The following POLD1 variants were observed in gnomAD, a reference collection of about 807,000 sequenced individuals.
The protein encoded by POLD1 is DNA polymerase delta 1, catalytic subunit, also known as DNA polymerase delta catalytic subunit.
POLD1 carries 79 observed loss-of-function variants against 129.7 expected under a neutral mutation model. That is an observed-to-expected ratio of 0.61 (90% confidence interval 0.51 to 0.73). The LOEUF is 0.73. POLD1 is among the 30% of genes least tolerant of loss of function. The pLI is 0.00. For missense variants in POLD1, 1,338 were observed against 1,595.8 expected (o/e 0.84, Z 2.75); for synonymous variants, 714 against 683.3 (o/e 1.04, Z -0.70).
chr19:50,402,426 CT>C, intron 6 of POLD1, 27 bp from the exon 7 acceptor site: 1 of 1,613,008 alleles, frequency 6.2e-7, no homozygotes, highest in Non-Finnish European at 8.5e-7. Flanking sequence ...CGGGCAGCCC[CT>C]GTCCACTGAC....
At chr19:50,400,575 C>T (rs181362720) in intron 3 of POLD1, among the ~76,000 whole-genome samples, 3 of 143,014 alleles carry the variant, frequency 2.1e-5, no homozygotes, top group African/African-American at 8.0e-5. Context: ...CTCTGTCACC[C>T]AGGCTGGAGA....
chr19:50,393,962 A>G (rs900288207), intron 1 of POLD1: 6 of 152,208 alleles, frequency 3.9e-5, no homozygotes, highest in African/African-American at 1.4e-4. Context: ...GAATTTTTCC[A>G]TGCTTATTTC....
chr19:50,392,473 GTTTCT>G (rs1408196421), intron 1 of POLD1, among the ~76,000 whole-genome samples: 1 of 151,970 alleles, frequency 6.6e-6, no homozygotes, highest in Non-Finnish European at 1.5e-5. Flanking sequence ...GGATTCGTTT[GTTTCT>G]TTTTCTTGTT....
chr19:50,402,930 A>G, intron 8 of POLD1, 123 bp from the exon 9 acceptor site: 1 of 1,368,886 alleles, frequency 7.3e-7, no homozygotes, highest in Non-Finnish European at 1.0e-6. Flanking sequence ...AGCAGGAGCC[A>G]GGGTGAGCCA....
intron 24 of POLD1, 24 bp downstream of exon 24, chr19:50,416,747 C>T (rs2122499276): frequency 6.8e-7 from 1 of 1,466,698 alleles, no homozygotes; most frequent in Non-Finnish European, 9.2e-7. Context: ...GCCACTGGGC[C>T]CCCACTGGCC....
rs1181000676 is a variant in POLD1 at position 50,417,682 on chromosome 19, ACC to A, written c.3219-153_3219-152del. 5.8e-3 allele frequency among the ~76,000 whole-genome samples: 448 copies of A among 77,436 alleles called. 11 individuals carry two copies. The highest frequency in any genetic ancestry group is 8.0e-3 in the East Asian group (20 of 2,490). 50.8% of individuals were successfully genotyped at this position (77,436 alleles called of 152,430 possible). A position where few individuals can be genotyped will look rare whatever the true frequency, so the allele number is the denominator to read the frequency against. The stretch of plus-strand genomic sequence containing the variant: ...CCGCTGTTATCGGCTCCCCCCCCCC[ACC>A]CCCCCCGTGCCTGCTGAGCAAACAG... On this transcript the variant is annotated intron_variant, in intron 26 of 26. Coordinates refer to ENST00000440232, the MANE Select transcript of POLD1 (RefSeq NM_002691.4).
In POLD1 at chr19:50,406,903, C is replaced by A; in HGVS notation, c.1495-80C>A. The stretch of plus-strand genomic sequence containing the variant: ...CCCAGGCCCTCCCCAGGCTACCTCA[C>A]CCTGACCCCCACTTCCTTCTCCTGC... On this transcript the variant is annotated intron_variant, in intron 12 of 26. Coordinates refer to ENST00000440232, the MANE Select transcript of POLD1 (RefSeq NM_002691.4). This position sits in a 1 kb window ranked among gnomAD's most constrained non-coding sequence, Gnocchi z 5.5. 1 of 1,233,828 alleles carries A rather than the reference C, an allele frequency of 8.1e-7. No homozygotes were observed. The highest frequency in any genetic ancestry group is 2.1e-5 in the Admixed American group (1 of 48,034). 76.4% of individuals were successfully genotyped at this position (1,233,828 alleles called of 1,614,324 possible). A position where few individuals can be genotyped will look rare whatever the true frequency, so the allele number is the denominator to read the frequency against.
At chr19:50,389,894 T>G (rs965842639) in intron 1 of POLD1, among the ~76,000 whole-genome samples, 54 of 150,590 alleles carry the variant, frequency 3.6e-4, no homozygotes, top group Non-Finnish European at 6.2e-4. Flanking sequence ...CCTGTTTTTT[T>G]TTTTGTTTTT....
intron 9 of POLD1, 91 bp downstream of exon 9, chr19:50,403,310 A>G: frequency 7.4e-7 from 1 of 1,352,046 alleles, no homozygotes; most frequent in Non-Finnish European, 1.0e-6. Flanking sequence ...TGCGACGCCC[A>G]TGTCTGTGGG....
chr19:50,401,383 ATATATATATTTTTTTTT>A (rs1428723247), intron 3 of POLD1, among the ~76,000 whole-genome samples: 1 of 58,160 alleles, frequency 1.7e-5, no homozygotes, highest in Non-Finnish European at 3.5e-5. Flanking sequence ...ATATATATAT[ATATATATATTTTTTTTT>A]TTTTTTTTTT....
intron 17 of POLD1, among the ~76,000 whole-genome samples, chr19:50,412,764 TTG>T (rs71707090): frequency 0.033 from 4,955 of 150,370 alleles, 269 homozygotes; most frequent in African/African-American, 0.11. Context: ...TTTTTTAGTT[TTG>T]TGTGTGTGTG....
At chr19:50,412,069 C>T (rs928236233) in intron 17 of POLD1, among the ~76,000 whole-genome samples, 8 of 152,198 alleles carry the variant, frequency 5.3e-5, no homozygotes, top group Non-Finnish European at 8.8e-5. Context: ...ATGGCTTGAA[C>T]CCAGCAGTTT....
At chr19:50,392,853 G>A (rs922766751) in intron 1 of POLD1, among the ~76,000 whole-genome samples, 5 of 152,250 alleles carry the variant, frequency 3.3e-5, no homozygotes, top group Non-Finnish European at 5.9e-5. Flanking sequence ...ATAAAATTGT[G>A]AGTGCACCAC....
At chr19:50,387,788 G>A (rs1185069472) in intron 1 of POLD1, 4 of 152,372 alleles carry the variant, frequency 2.6e-5, no homozygotes, top group East Asian at 3.9e-4. Context: ...AGCCGCTAAC[G>A]ACGCTTGCTT....
intron 10 of POLD1, among the ~76,000 whole-genome samples, chr19:50,405,500 G>A (rs1046384524): frequency 2.0e-5 from 3 of 152,174 alleles, no homozygotes; most frequent in South Asian, 2.1e-4. Context: ...AGGATGAGGC[G>A]AGAGGATCGA....
chr19:50,402,366 G>T lies in POLD1; in HGVS notation c.751G>T (p.Glu251Ter). ...FAPYEANVDFEIRFMVDTDIV... is the reference protein window; with the variant it reads ...FAPYEANVDF ...GCCCTACGAGGCCAACGTCGACTTT[G>T]AGATCCGGTACGGCCTCTGCCTCAC... Residue 251 changes from glutamate to a stop codon, truncating the protein, a stop_gained, in exon 6 of 27, where the codon GAG becomes TAG. Coordinates refer to ENST00000440232, the MANE Select transcript of POLD1 (RefSeq NM_002691.4). LOFTEE classifies it high-confidence loss of function. The T allele has an allele frequency of 6.2e-7, 1 of 1,611,348 alleles. No homozygotes were observed. The highest frequency in any genetic ancestry group is 8.5e-7 in the Non-Finnish European group (1 of 1,177,858).
Position 50,408,881 on chromosome 19 carries a change from C to T in POLD1, c.1872C>T (p.Pro624=), listed in dbSNP as rs200649908. The change falls in exon 15 of 27, where the codon CCC becomes CCT. Residue 624 remains proline, a synonymous_variant. Coordinates refer to ENST00000440232, the MANE Select transcript of POLD1 (RefSeq NM_002691.4). ...HNLCYTTLLR[P]GTAQKLGLTE... The stretch of plus-strand genomic sequence containing the variant: ...TGTGTTACACCACGCTCCTTCGGCC[C>T]GGGACTGCACAGAAACTGGGGTATA... The T allele has an allele frequency of 9.3e-6, 15 of 1,611,994 alleles. No homozygotes were observed. Among genetic ancestry groups the T allele is most frequent in the East Asian group, 8.9e-5 (4 of 44,882 alleles).
At chr19:50,401,391 ATTTTTTTTTT>A (rs1203165864) in intron 3 of POLD1, among the ~76,000 whole-genome samples, 16 of 65,946 alleles carry the variant, frequency 2.4e-4, no homozygotes, top group African/African-American at 9.6e-4. Flanking sequence ...ATATATATAT[ATTTTTTTTTT>A]TTTTTTTTTT....
In POLD1 at chr19:50,409,696, G is replaced by A. The variant is rs1383473757; in HGVS notation, c.2154+30G>A. 6.4e-7 allele frequency: 1 copy of A among 1,573,436 alleles called. No individual in the cohort carries two copies. ...GCACTCGGGCCCCTGGAAGGCAACTGGGGGCAGGTGGGCCCCCTGTGTAGG... is the reference window on the plus strand; with the variant it reads ...GCACTCGGGCCCCTGGAAGGCAACTAGGGGCAGGTGGGCCCCCTGTGTAGG... On this transcript the variant is annotated intron_variant, in intron 17 of 26. Transcript: ENST00000440232. This position sits in a 1 kb window ranked among gnomAD's most constrained non-coding sequence, Gnocchi z 5.8.
Sources: allele counts gnomAD v4.1 joint callset (sites outside exome capture counted in the v4.1 genomes callset), GRCh38; gene constraint gnomAD v4.1.1; non-coding constraint Gnocchi (gnomAD v3.1); transcripts MANE v1.5; gene names NCBI Gene and HGNC (gene_info 2026-07-23, HGNC 2026-07-21).